The following DCLK2 variants were observed in gnomAD, a reference collection of about 807,000 sequenced individuals.
DCLK2 encodes the protein serine/threonine-protein kinase DCLK2.
A neutral mutation model predicts 78.4 loss-of-function variants in DCLK2; 31 were observed. The observed-to-expected ratio is 0.40, with a 90% CI of 0.30 to 0.53. DCLK2 has a LOEUF of 0.53. DCLK2 is among the 20% of genes least tolerant of loss of function. The probability of loss-of-function intolerance (pLI) is 0.61; values close to 1 mark genes in which losing one functional copy is unlikely to be tolerated. For missense variants in DCLK2, 872 were observed against 973.7 expected (o/e 0.90, Z 1.39); for synonymous variants, 407 against 374.9 (o/e 1.09, Z -0.99).
At chr4:150,130,080 C>G (rs561759769) in intron 2 of DCLK2, among the ~76,000 whole-genome samples, 5 of 152,232 alleles carry the variant, frequency 3.3e-5, no homozygotes, top group African/African-American at 1.2e-4. Context: ...GGATGTTTTG[C>G]ACGGAAGTTT....
chr4:150,134,067 G>A (rs56150320), intron 2 of DCLK2, among the ~76,000 whole-genome samples: 22,720 of 143,486 alleles, frequency 0.16, 2,210 homozygotes, highest in Non-Finnish European at 0.23. Context: ...TCATTTTTGC[G>A]TATAAACTCT....
chr4:150,104,394 T>TAAAAAAAAAAAAAAAAAA lies in DCLK2; in HGVS notation c.756+1594_756+1611dup, dbSNP rs34276664. Among the ~76,000 whole-genome samples, 32 of 29,754 alleles carry TAAAAAAAAAAAAAAAAAA rather than the reference T, an allele frequency of 1.1e-3. 5 individuals carry two copies. The highest frequency in any genetic ancestry group is 1.3e-3 in the Non-Finnish European group (23 of 18,198). The allele number at this position is 29,754 out of a possible 152,430, so 19.5% of individuals were successfully genotyped here. On this transcript the variant is annotated intron_variant, in intron 2 of 15. Coordinates refer to ENST00000296550, the MANE Select transcript of DCLK2 (RefSeq NM_001040260.4). ...TGGTGACAAAAAAGACCACATCTCCTAAAAAAAAAAAAAAAAAAAAAAAAA... is the reference window on the plus strand; with the variant it reads ...TGGTGACAAAAAAGACCACATCTCCTAAAAAAAAAAAAAAAAAAAAAAAAAAAAAAAAAAAAAAAAAAA...
intron 2 of DCLK2, among the ~76,000 whole-genome samples, chr4:150,189,660 A>G (rs1738243229): frequency 6.6e-6 from 1 of 152,206 alleles, no homozygotes; most frequent in East Asian, 1.9e-4. Context: ...ATTGATGCCT[A>G]GACTTAGTAA....
At chr4:150,107,837 G>A (rs1257660995) in intron 2 of DCLK2, among the ~76,000 whole-genome samples, 1 of 152,194 alleles carries the variant, frequency 6.6e-6, no homozygotes, top group East Asian at 1.9e-4. Context: ...TGGGCATGGT[G>A]ATGTTTGCCT....
At chr4:150,135,201 C>T (rs541755969) in intron 2 of DCLK2, among the ~76,000 whole-genome samples, 50 of 151,050 alleles carry the variant, frequency 3.3e-4, no homozygotes, top group Non-Finnish European at 4.9e-4. Flanking sequence ...CACTGTCTCT[C>T]TCAGTTTCAG....
intron 2 of DCLK2, among the ~76,000 whole-genome samples, chr4:150,188,821 C>T (rs1014413522): frequency 9.5e-5 from 14 of 147,488 alleles, no homozygotes; most frequent in African/African-American, 3.0e-4. Flanking sequence ...AGGAGAATGG[C>T]GTGAACCTGG....
At chr4:150,220,847 C>T (rs1741134877) in intron 6 of DCLK2, 69 bp downstream of exon 6, 1 of 1,205,052 alleles carries the variant, frequency 8.3e-7, no homozygotes, top group Non-Finnish European at 1.2e-6. Context: ...TCACCTAAAA[C>T]TCACTTGTGC....
chr4:150,173,216 C>T (rs1481720890), intron 2 of DCLK2, among the ~76,000 whole-genome samples: 1 of 152,078 alleles, frequency 6.6e-6, no homozygotes, highest in African/African-American at 2.4e-5. Flanking sequence ...CTATGGTGTG[C>T]AGCAGACCTA....
chr4:150,115,176 A>G (rs1333595651), intron 2 of DCLK2, among the ~76,000 whole-genome samples: 2 of 152,158 alleles, frequency 1.3e-5, no homozygotes, highest in African/African-American at 4.8e-5. Context: ...TTTCCACTGC[A>G]TTTTGTAATT....
rs563703901 is a variant in DCLK2 at position 150,225,765 on chromosome 4, G to A, written c.1299+1207G>A. The stretch of plus-strand genomic sequence containing the variant: ...TAATGTGGTTCTTGGTTAGAATTAC[G>A]TATATGGATCATGGTGTATATTTAT... On this transcript the variant is annotated intron_variant, in intron 8 of 15. Transcript: ENST00000296550. Among the ~76,000 whole-genome samples, 456 of 152,230 alleles carry A rather than the reference G, an allele frequency of 3.0e-3. 2 individuals carry two copies. The highest frequency in any genetic ancestry group is 5.4e-3 in the Non-Finnish European group (369 of 68,004).
At chr4:150,182,960 C>G (rs1394296826) in intron 2 of DCLK2, among the ~76,000 whole-genome samples, 1 of 151,084 alleles carries the variant, frequency 6.6e-6, no homozygotes, top group Non-Finnish European at 1.5e-5. Flanking sequence ...GATTTTTGTT[C>G]TCTCTCTCTC....
intron 2 of DCLK2, among the ~76,000 whole-genome samples, chr4:150,105,567 A>T (rs1165349558): frequency 6.6e-6 from 1 of 152,094 alleles, no homozygotes; most frequent in Non-Finnish European, 1.5e-5. Flanking sequence ...TTTTGTTAAT[A>T]TGTATAACTA....
intron 5 of DCLK2, among the ~76,000 whole-genome samples, chr4:150,213,004 C>T (rs1740426744): frequency 1.3e-5 from 2 of 152,190 alleles, no homozygotes; most frequent in Non-Finnish European, 2.9e-5. Flanking sequence ...AGTGAAACCT[C>T]ACAGTGAAAG....
intron 1 of DCLK2, among the ~76,000 whole-genome samples, chr4:150,082,319 G>A (rs1292887852): frequency 1.3e-5 from 2 of 152,140 alleles, no homozygotes; most frequent in Non-Finnish European, 2.9e-5. Context: ...AGTTTAAGAG[G>A]TATGTTTTTT....
intron 3 of DCLK2, 44 bp downstream of exon 3, chr4:150,193,284 C>A: frequency 7.6e-7 from 1 of 1,317,384 alleles, no homozygotes; most frequent in Non-Finnish European, 1.1e-6. Flanking sequence ...TCTTTGTAAC[C>A]CCTGAAATGA....
chr4:150,145,967 C>G lies in DCLK2; in HGVS notation c.756+43155C>G, dbSNP rs187932786. 4.8e-3 allele frequency among the ~76,000 whole-genome samples: 732 copies of G among 152,296 alleles called. 5 individuals are homozygous for G. Among genetic ancestry groups the G allele is most frequent in the Non-Finnish European group, 7.7e-3 (524 of 68,020 alleles). On this transcript the variant is annotated intron_variant, in intron 2 of 15. Coordinates refer to ENST00000296550, the MANE Select transcript of DCLK2 (RefSeq NM_001040260.4). ...CACTGCTGATTCTGAAGAGCTTATG[C>G]AGCTTCACAAGCAAATTGATTTATT...
intron 1 of DCLK2, among the ~76,000 whole-genome samples, chr4:150,090,915 T>A (rs1342240237): frequency 6.6e-6 from 1 of 152,030 alleles, no homozygotes; most frequent in East Asian, 1.9e-4. Context: ...CAGAAATAGG[T>A]GTTGTATTCA....
At chr4:150,123,348 A>G (rs1732699390) in intron 2 of DCLK2, among the ~76,000 whole-genome samples, 1 of 152,162 alleles carries the variant, frequency 6.6e-6, no homozygotes, top group African/African-American at 2.4e-5. Flanking sequence ...ATCTCAGGAA[A>G]TAGGGAGGCC....
chr4:150,113,380 T>G (rs946854300), intron 2 of DCLK2, among the ~76,000 whole-genome samples: 1 of 152,162 alleles, frequency 6.6e-6, no homozygotes, highest in Non-Finnish European at 1.5e-5. Context: ...CCCTAGGTTT[T>G]TTTGTTGTTG....
Sources: allele counts gnomAD v4.1 joint callset (sites outside exome capture counted in the v4.1 genomes callset), GRCh38; gene constraint gnomAD v4.1.1; transcripts MANE v1.5; gene names NCBI Gene and HGNC (gene_info 2026-07-23, HGNC 2026-07-21).